Variants in NUDCD1 observed in about 807,000 individuals in gnomAD.
NUDCD1 encodes nudC domain-containing protein 1.
A neutral mutation model predicts 67.8 loss-of-function variants in NUDCD1; 60 were observed. The ratio of observed to expected loss-of-function variants is 0.88; its 90% CI spans 0.72 to 1.10. The LOEUF (loss-of-function observed/expected upper bound fraction) is 1.10. Among genes scored for constraint, NUDCD1 ranks in the 50% least tolerant of loss-of-function variants. The pLI is 0.00. For synonymous variants in NUDCD1, 244 were observed against 230.8 expected (o/e 1.06, Z -0.52); for missense variants, 643 against 695.0 (o/e 0.93, Z 0.84).
Position 109,242,941 on chromosome 8 carries a change from TAA to T in NUDCD1, c.*66_*67del. ...CATTAAAACTTAAGAGGTTACAGTA[TAA>T]CTGTCCAGACCTCCAGGTACCACTG... On this transcript the variant is annotated 3_prime_UTR_variant, in exon 10 of 10. Coordinates refer to ENST00000239690, the MANE Select transcript of NUDCD1 (RefSeq NM_032869.4). 1 of 1,008,326 alleles carries T rather than the reference TAA, an allele frequency of 9.9e-7. No individual in the cohort carries two copies. The highest frequency in any genetic ancestry group is 1.6e-5 in the African/African-American group (1 of 61,936). The allele number at this position is 1,008,326 out of a possible 1,614,324, so 62.5% of individuals were successfully genotyped here.
intron 8 of NUDCD1, among the ~76,000 whole-genome samples, chr8:109,263,401 C>T (rs1230049534): frequency 6.6e-6 from 1 of 152,138 alleles, no homozygotes; most frequent in Non-Finnish European, 1.5e-5. Context: ...GGTGGGAATC[C>T]ATCTGGACCC....
intron 2 of NUDCD1, among the ~76,000 whole-genome samples, chr8:109,302,516 C>G (rs1379880662): frequency 6.6e-6 from 1 of 152,124 alleles, no homozygotes; most frequent in Non-Finnish European, 1.5e-5. Context: ...CAGGTCCCAA[C>G]TCTTCTTCAG....
At chr8:109,281,472 T>C (rs776987441) in intron 5 of NUDCD1, among the ~76,000 whole-genome samples, 43 of 152,054 alleles carry the variant, frequency 2.8e-4, no homozygotes, top group Non-Finnish European at 6.0e-4. Context: ...CCTCCCTCTT[T>C]CACTCCTTCT....
intron 8 of NUDCD1, among the ~76,000 whole-genome samples, chr8:109,247,599 T>C (rs1417983549): frequency 1.3e-5 from 2 of 152,208 alleles, no homozygotes; most frequent in Non-Finnish European, 2.9e-5. Context: ...CTGTGTCAAG[T>C]GTTGTTAATT....
At chr8:109,317,032 G>A (rs1433496366) in intron 2 of NUDCD1, among the ~76,000 whole-genome samples, 1 of 152,120 alleles carries the variant, frequency 6.6e-6, no homozygotes, top group Non-Finnish European at 1.5e-5. Context: ...AAAGGAAAGA[G>A]AAAAGACAAC....
At chr8:109,254,800 T>A (rs1264114205) in intron 8 of NUDCD1, among the ~76,000 whole-genome samples, 1 of 152,094 alleles carries the variant, frequency 6.6e-6, no homozygotes, top group East Asian at 1.9e-4. Flanking sequence ...AAATTAAATT[T>A]AAAAATAATA....
At chr8:109,257,133 T>C (rs960416684) in intron 8 of NUDCD1, among the ~76,000 whole-genome samples, 2 of 152,116 alleles carry the variant, frequency 1.3e-5, no homozygotes, top group Non-Finnish European at 2.9e-5. Flanking sequence ...CTGCATTGCA[T>C]CTAATATCCT....
intron 8 of NUDCD1, among the ~76,000 whole-genome samples, chr8:109,257,188 T>C (rs1055549014): frequency 2.0e-5 from 3 of 152,038 alleles, no homozygotes; most frequent in African/African-American, 4.8e-5. Context: ...CGTATGCAGA[T>C]TGGAAAAGAA....
chr8:109,294,962 T>C (rs1814807797), intron 3 of NUDCD1, among the ~76,000 whole-genome samples: 4 of 151,986 alleles, frequency 2.6e-5, no homozygotes, highest in Admixed American at 2.0e-4. Context: ...CCTCAATTAA[T>C]CCCCAAGTCT....
rs577559219 is a variant in NUDCD1, at chr8:109,256,977, G to GA, written c.1300-11497dup. The stretch of plus-strand genomic sequence containing the variant: ...AAATTCAACACCTCTTCATGATAAA[G>GA]AAAAAAAAAACTCAGCAAACTAGGT... On this transcript the variant is annotated intron_variant, in intron 8 of 9. Coordinates refer to ENST00000239690, the MANE Select transcript of NUDCD1 (RefSeq NM_032869.4). Among the ~76,000 whole-genome samples, 62 of 146,918 alleles carry GA rather than the reference G, an allele frequency of 4.2e-4. 1 individual carries two copies. The South Asian group carries it at 6.2e-3, about 15-fold the overall frequency.
chr8:109,293,575 CAGAT>C, intron 3 of NUDCD1, 51 bp from the exon 4 acceptor site: 2 of 987,170 alleles, frequency 2.0e-6, no homozygotes. Context: ...TACATGAACA[CAGAT>C]AGCATAGAGG....
At position 109,296,561 on chromosome 8, in the gene NUDCD1, G is replaced by C; in HGVS notation, c.282C>G (p.Ala94=). 1 of 1,602,592 alleles carries C rather than the reference G, an allele frequency of 6.2e-7. No individual in the cohort carries two copies. Among genetic ancestry groups the C allele is most frequent in the Non-Finnish European group, 8.5e-7 (1 of 1,171,992 alleles). Residue 94 remains alanine, a synonymous_variant, in exon 3 of 10, where the codon GCC becomes GCG. Transcript: ENST00000239690. ...IMNLTVMLDT[A]LGKPREVFRL... ...GAAACACCTCTCGTGGTTTTCCTAA[G>C]GCAGTGTCCTAAAAAGACCAAACAT...
At chr8:109,292,342 A>AAT (rs1489752283) in intron 4 of NUDCD1, among the ~76,000 whole-genome samples, 2 of 152,096 alleles carry the variant, frequency 1.3e-5, no homozygotes, top group African/African-American at 4.8e-5. Flanking sequence ...CACCAAAAAG[A>AAT]ACTAATAAAT....
At chr8:109,258,164 T>C (rs1048385158) in intron 8 of NUDCD1, among the ~76,000 whole-genome samples, 4 of 152,170 alleles carry the variant, frequency 2.6e-5, no homozygotes, top group African/African-American at 9.6e-5. Flanking sequence ...TAGTTTATTA[T>C]TTCATATGCA....
intron 4 of NUDCD1, 138 bp from the exon 5 acceptor site, chr8:109,290,071 C>A (rs887558129): frequency 1.3e-5 from 6 of 452,122 alleles, no homozygotes; most frequent in Admixed American, 4.2e-5. Context: ...AGAGTCTTTT[C>A]ATAAGGATAA....
chr8:109,298,646 A>C (rs2130052425), intron 2 of NUDCD1: 1 of 152,350 alleles, frequency 6.6e-6, no homozygotes, highest in South Asian at 2.1e-4. Context: ...ATTTGTCATA[A>C]ATATAACCCA....
chr8:109,282,770 G>T (rs1028200281), intron 5 of NUDCD1, among the ~76,000 whole-genome samples: 1 of 151,528 alleles, frequency 6.6e-6, no homozygotes, highest in East Asian at 1.9e-4. Flanking sequence ...ACTATGGCAC[G>T]TGTATACCTA....
At chr8:109,249,187 T>C (rs1161738307) in intron 8 of NUDCD1, among the ~76,000 whole-genome samples, 1 of 152,180 alleles carries the variant, frequency 6.6e-6, no homozygotes, top group East Asian at 1.9e-4. Context: ...TTTCAAAGCT[T>C]AGAAAGAACT....
At chr8:109,309,775 T>C (rs2130090293) in intron 2 of NUDCD1, among the ~76,000 whole-genome samples, 1 of 152,024 alleles carries the variant, frequency 6.6e-6, no homozygotes. Context: ...AGATACAAAC[T>C]TAATATACAT....
Sources: gnomAD v4.1 joint callset for allele counts (sites outside exome capture counted in the v4.1 genomes callset) on GRCh38, gnomAD v4.1.1 for gene constraint, MANE v1.5 for transcripts, NCBI Gene and HGNC (gene_info 2026-07-23, HGNC 2026-07-21) for gene names.